PEMT: variants seen among roughly 807,000 people sequenced by gnomAD.
PEMT encodes the protein phosphatidylethanolamine N-methyltransferase.
PEMT carries 23 observed loss-of-function variants against 27.4 expected under a neutral mutation model. The observed-to-expected ratio is 0.84, with a 90% CI of 0.60 to 1.19. The LOEUF (loss-of-function observed/expected upper bound fraction) is 1.19. PEMT is among the 50% of genes most tolerant of loss of function. PEMT has a pLI of 0.00. For missense variants in PEMT, 307 were observed against 310.1 expected (o/e 0.99, Z 0.07); for synonymous variants, 137 against 139.1 (o/e 0.98, Z 0.11).
chr17:17,575,524 G>A (rs1046894779), intron 2 of PEMT, among the ~76,000 whole-genome samples: 11 of 152,246 alleles, frequency 7.2e-5, no homozygotes, highest in Non-Finnish European at 1.5e-4. Context: ...GAAGCATGCA[G>A]GCCAGGCAGT....
At chr17:17,589,744 G>C (rs1355492997) in intron 1 of PEMT, among the ~76,000 whole-genome samples, 3 of 152,240 alleles carry the variant, frequency 2.0e-5, no homozygotes, top group Admixed American at 2.0e-4. Flanking sequence ...AAGCAAATAT[G>C]TAATGTTGTA....
chr17:17,520,160 G>A (rs1256057734), intron 3 of PEMT, among the ~76,000 whole-genome samples: 3 of 152,172 alleles, frequency 2.0e-5, no homozygotes, highest in African/African-American at 4.8e-5. Flanking sequence ...CCTCCTGGCC[G>A]CTGGGGAGTG....
chr17:17,522,644 T>C (rs1330426797), intron 2 of PEMT, among the ~76,000 whole-genome samples: 1 of 152,076 alleles, frequency 6.6e-6, no homozygotes, highest in Non-Finnish European at 1.5e-5. Context: ...GAAACAACTC[T>C]TCAACCAGAC....
At chr17:17,562,324 A>C (rs976800494) in intron 2 of PEMT, among the ~76,000 whole-genome samples, 3 of 152,202 alleles carry the variant, frequency 2.0e-5, no homozygotes, top group African/African-American at 4.8e-5. Flanking sequence ...AGCGGCAGCC[A>C]CGACAGTGGC....
rs1907426650 is a variant in PEMT at position 17,523,347 on chromosome 17, A to G, written c.205-952T>C. ...TGACTGCTGCCTGCTCCACTTCCCA[A>G]GTGGACCTGCCTTTCCCAGCAGTTG... On this transcript the variant is annotated intron_variant, in intron 2 of 6. Coordinates refer to ENST00000255389, the MANE Select transcript of PEMT (RefSeq NM_148172.3). This position sits in a 1 kb window ranked among gnomAD's most constrained non-coding sequence, Gnocchi z 4.8. 6.6e-6 allele frequency among the ~76,000 whole-genome samples: 1 copy of G among 152,136 alleles called. No homozygotes were observed. Among genetic ancestry groups the G allele is most frequent in the African/African-American group, 2.4e-5 (1 of 41,430 alleles).
chr17:17,557,033 C>T (rs1484555634), intron 2 of PEMT, among the ~76,000 whole-genome samples: 1 of 152,206 alleles, frequency 6.6e-6, no homozygotes, highest in Non-Finnish European at 1.5e-5. Context: ...AAATCTCCCT[C>T]ACCTTGCTGA....
At chr17:17,581,900 C>A (rs564966379) in intron 1 of PEMT, among the ~76,000 whole-genome samples, 2 of 152,296 alleles carry the variant, frequency 1.3e-5, no homozygotes, top group South Asian at 4.1e-4. Flanking sequence ...CTCCCCGATC[C>A]CCACTCAGAG....
intron 2 of PEMT, among the ~76,000 whole-genome samples, chr17:17,539,335 T>G (rs1036347443): frequency 6.6e-6 from 1 of 152,062 alleles, no homozygotes; most frequent in Non-Finnish European, 1.5e-5. Context: ...ACACAGCACT[T>G]CCAGCCAGCT....
chr17:17,506,006 A>G (rs1425019988), intron 6 of PEMT, among the ~76,000 whole-genome samples, 158 bp from the exon 7 acceptor site: 1 of 152,298 alleles, frequency 6.6e-6, no homozygotes, highest in East Asian at 1.9e-4. Flanking sequence ...TGGAGCCTTC[A>G]GAGCGCAGGC....
chr17:17,574,336 T>A lies in PEMT; in HGVS notation c.204+2584A>T, dbSNP rs1366470836. 6.0e-4 allele frequency among the ~76,000 whole-genome samples: 79 copies of A among 132,512 alleles called. No homozygotes were observed. In the East Asian group the frequency reaches 0.017, roughly 28 times the overall value. The allele number at this position is 132,512 out of a possible 152,430, so 86.9% of individuals were successfully genotyped here. On this transcript the variant is annotated intron_variant, in intron 2 of 6. Coordinates refer to ENST00000255389, the MANE Select transcript of PEMT (RefSeq NM_148172.3). ...GCATCTTTTTTTTTTTTTTTTTTTTTAAAGACAGAGTCTCACTCTGTTACC... is the reference window on the plus strand; with the variant it reads ...GCATCTTTTTTTTTTTTTTTTTTTTAAAAGACAGAGTCTCACTCTGTTACC...
chr17:17,555,377 C>A (rs1197171198), intron 2 of PEMT, among the ~76,000 whole-genome samples: 1 of 152,228 alleles, frequency 6.6e-6, no homozygotes, highest in East Asian at 1.9e-4. Context: ...CAGCTCAGCC[C>A]GGCCCACCTC....
intron 2 of PEMT, among the ~76,000 whole-genome samples, chr17:17,526,274 G>C (rs1258394458): frequency 1.3e-5 from 2 of 152,252 alleles, no homozygotes; most frequent in South Asian, 2.1e-4. Context: ...ACAGGCCCAA[G>C]GCAAGTGGAG....
Position 17,512,776 on chromosome 17 carries a change from G to A in PEMT, c.321-122C>T. On this transcript the variant is annotated intron_variant, in intron 3 of 6. Transcript: ENST00000255389. The surrounding 1 kb of genome is among the most constrained non-coding windows in gnomAD (Gnocchi z 6.3). ...ACCCTTAGAGAGTAGCCAGCCCAGG[G>A]CTGCCAGGCCAGGCAGGCAGCAGGT... 2.1e-6 allele frequency: 2 copies of A among 958,928 alleles called. No individual in the cohort carries two copies. Among genetic ancestry groups the A allele is most frequent in the Non-Finnish European group, 2.8e-6 (2 of 720,186 alleles). 59.4% of individuals were successfully genotyped at this position (958,928 alleles called of 1,614,324 possible).
At chr17:17,569,103 T>C (rs1457055578) in intron 2 of PEMT, among the ~76,000 whole-genome samples, 1 of 152,178 alleles carries the variant, frequency 6.6e-6, no homozygotes, top group Non-Finnish European at 1.5e-5. Context: ...CTGACTTGGG[T>C]TCCAGGGAAA....
intron 2 of PEMT, among the ~76,000 whole-genome samples, chr17:17,545,560 A>T (rs1909199398): frequency 6.6e-6 from 1 of 152,150 alleles, no homozygotes; most frequent in Admixed American, 6.5e-5. Flanking sequence ...CTGCATGCTG[A>T]GTCTTGGCTT....
intron 2 of PEMT, among the ~76,000 whole-genome samples, chr17:17,551,256 G>A (rs1289116159): frequency 6.6e-6 from 1 of 152,248 alleles, no homozygotes; most frequent in African/African-American, 2.4e-5. Flanking sequence ...TCAGGGGAAA[G>A]GGATTCAAGG....
At chr17:17,569,901 C>T (rs924876943) in intron 2 of PEMT, among the ~76,000 whole-genome samples, 1 of 152,202 alleles carries the variant, frequency 6.6e-6, no homozygotes, top group Non-Finnish European at 1.5e-5. Flanking sequence ...GTGGCACAGG[C>T]TGCCTATCTT....
chr17:17,557,937 C>G (rs1347561659), intron 2 of PEMT, among the ~76,000 whole-genome samples: 1 of 152,204 alleles, frequency 6.6e-6, no homozygotes, highest in Non-Finnish European at 1.5e-5. Flanking sequence ...TAGCTAGGGA[C>G]AGAACCATGC....
intron 3 of PEMT, among the ~76,000 whole-genome samples, chr17:17,517,673 A>G (rs1315486379): frequency 6.6e-6 from 1 of 152,192 alleles, no homozygotes; most frequent in African/African-American, 2.4e-5. Context: ...TCCCTAGGGG[A>G]GAGGGGCTCT....
Sources: gnomAD v4.1 joint callset for allele counts (sites outside exome capture counted in the v4.1 genomes callset) on GRCh38, gnomAD v4.1.1 for gene constraint, Gnocchi (gnomAD v3.1) non-coding constraint, MANE v1.5 for transcripts, NCBI Gene and HGNC (gene_info 2026-07-23, HGNC 2026-07-21) for gene names.